MTIF2: variants seen among roughly 807,000 people sequenced by gnomAD.
MTIF2 encodes mitochondrial translational initiation factor 2.
A neutral mutation model predicts 83.5 loss-of-function variants in MTIF2; 71 were observed. The ratio of observed to expected loss-of-function variants is 0.85; its 90% CI spans 0.70 to 1.04. The LOEUF (loss-of-function observed/expected upper bound fraction) is 1.04, where lower values mean the gene tolerates loss of function less well. Among genes scored for constraint, MTIF2 ranks in the 50% least tolerant of loss-of-function variants. MTIF2 has a pLI of 0.00. For synonymous variants in MTIF2, 319 were observed against 287.1 expected (o/e 1.11, Z -1.12); for missense variants, 957 against 846.5 (o/e 1.13, Z -1.62).
intron 9 of MTIF2, among the ~76,000 whole-genome samples, chr2:55,247,512 A>T (rs1314828972): frequency 6.6e-6 from 1 of 152,206 alleles, no homozygotes; most frequent in Non-Finnish European, 1.5e-5. Context: ...AGATCATGCC[A>T]CTGCTCTCCA....
chr2:55,253,420 T>A (rs1380545401), intron 7 of MTIF2, among the ~76,000 whole-genome samples: 1 of 152,216 alleles, frequency 6.6e-6, no homozygotes, highest in South Asian at 2.1e-4. Flanking sequence ...GGCTCACACC[T>A]GTAATCCTAG....
chr2:55,260,070 T>C (rs1342096520), intron 5 of MTIF2, among the ~76,000 whole-genome samples: 4 of 152,188 alleles, frequency 2.6e-5, no homozygotes. Flanking sequence ...TTTCTAGCTA[T>C]AAAATGACTG....
chr2:55,247,552 A>T (rs962781930), intron 9 of MTIF2, among the ~76,000 whole-genome samples: 2 of 152,180 alleles, frequency 1.3e-5, no homozygotes, highest in African/African-American at 4.8e-5. Flanking sequence ...ACTTCATTTC[A>T]AAAAACAAAA....
intron 13 of MTIF2, among the ~76,000 whole-genome samples, chr2:55,241,160 G>A (rs182015046): frequency 6.6e-6 from 1 of 151,626 alleles, no homozygotes; most frequent in African/African-American, 2.4e-5. Flanking sequence ...GCTCACGCCT[G>A]TAATCCCAGC....
chr2:55,244,385 C>T (rs1310186602), intron 10 of MTIF2, 152 bp from the exon 11 acceptor site: 7 of 660,280 alleles, frequency 1.1e-5, no homozygotes, highest in African/African-American at 5.5e-5. Context: ...ACTATAAAAA[C>T]ATTTCAAAGC....
intron 14 of MTIF2, 70 bp from the exon 15 acceptor site, chr2:55,237,498 C>T: frequency 6.8e-7 from 1 of 1,461,196 alleles, no homozygotes; most frequent in South Asian, 1.4e-5. Flanking sequence ...TTCTGACATT[C>T]TGTGGTATAA....
In MTIF2 at chr2:55,237,328, TTTTTGTTTTTC is replaced by T; in HGVS notation, c.1960_1970del (p.Glu654LysfsTer3). ...GTCCATTACGGGTTAGTTTAAATTT[TTTTTGTTTTTC>T]TAACTGTCCCTTTTGGACTCTGCAG... is the stretch of plus-strand genomic sequence containing the variant. On this transcript the variant is annotated frameshift_variant, in exon 15 of 16. Coordinates refer to ENST00000263629, the MANE Select transcript of MTIF2 (RefSeq NM_002453.3). LOFTEE classifies it high-confidence loss of function. 6.2e-7 allele frequency: 1 copy of T among 1,612,982 alleles called. No individual in the cohort carries two copies. Among genetic ancestry groups the T allele is most frequent in the South Asian group, 1.1e-5 (1 of 90,908 alleles).
Position 55,236,700 on chromosome 2 carries a change from CA to C in MTIF2, c.2131del (p.Cys711ValfsTer24). 1 of 1,604,526 alleles carries C rather than the reference CA, an allele frequency of 6.2e-7. No homozygotes were observed. Among genetic ancestry groups the C allele is most frequent in the Middle Eastern group, 1.7e-4 (1 of 6,038 alleles). On this transcript the variant is annotated frameshift_variant, in exon 16 of 16. Transcript: ENST00000263629. LOFTEE classifies it high-confidence loss of function. ...MEFQVGDRIV[C>X]YEEKQIQAKT... The stretch of plus-strand genomic sequence containing the variant: ...GGCTTGAATTTGCTTTTCTTCATAA[CA>C]AACAATTCTGTCTCCCACTTGAAAT...
intron 10 of MTIF2, among the ~76,000 whole-genome samples, 175 bp downstream of exon 10, chr2:55,246,162 T>G (rs1467279573): frequency 6.6e-6 from 1 of 152,246 alleles, no homozygotes. Flanking sequence ...TGATAATAAC[T>G]GCATTTTTGT....
intron 5 of MTIF2, among the ~76,000 whole-genome samples, chr2:55,256,380 C>A (rs1345920715): frequency 2.6e-5 from 4 of 151,716 alleles, no homozygotes; most frequent in Non-Finnish European, 4.4e-5. Flanking sequence ...GTTTATGTAT[C>A]TAGGGTGTCC....
At chr2:55,238,188 G>A (rs1676030561) in intron 14 of MTIF2, among the ~76,000 whole-genome samples, 1 of 9,312 alleles carries the variant, frequency 1.1e-4, no homozygotes, top group Non-Finnish European at 2.0e-4. Context: ...GTGCCACCAT[G>A]CCCACTAATT....
chr2:55,246,997 C>G (rs1676748040), intron 9 of MTIF2, among the ~76,000 whole-genome samples: 1 of 152,150 alleles, frequency 6.6e-6, no homozygotes, highest in South Asian at 2.1e-4. Flanking sequence ...GATCTAGGCT[C>G]TAAGCTGTGC....
At chr2:55,251,355 G>A (rs1677082229) in intron 8 of MTIF2, among the ~76,000 whole-genome samples, 1 of 152,026 alleles carries the variant, frequency 6.6e-6, no homozygotes, top group Non-Finnish European at 1.5e-5. Flanking sequence ...AAAGAAAAGA[G>A]AATAACATTG....
In MTIF2 at chr2:55,263,624, A is replaced by AT; in HGVS notation, c.219+15_219+16insA. Reference sequence around the variant, plus strand: ...GACTCCATCTCAAAAAAAAAAAAAAAGAAATCTGTAACTACCTTTTTTGTT... The same window carrying AT: ...GACTCCATCTCAAAAAAAAAAAAAAATGAAATCTGTAACTACCTTTTTTGTT... On this transcript the variant is annotated intron_variant, in intron 4 of 15. Coordinates refer to ENST00000263629, the MANE Select transcript of MTIF2 (RefSeq NM_002453.3). 1.3e-6 allele frequency: 2 copies of AT among 1,563,792 alleles called. No homozygotes were observed. Among genetic ancestry groups the AT allele is most frequent in the South Asian group, 1.2e-5 (1 of 84,758 alleles).
At position 55,262,362 on chromosome 2, in the gene MTIF2, A is replaced by G. The variant is rs1404349326; in HGVS notation, c.285T>C (p.Ile95=). 6.2e-7 allele frequency: 1 copy of G among 1,613,832 alleles called. No individual in the cohort carries two copies. The highest frequency in any genetic ancestry group is 8.5e-7 in the Non-Finnish European group (1 of 1,179,890). Residue 95 remains isoleucine, a synonymous_variant, in exon 5 of 16, where the codon ATT becomes ATC. Transcript: ENST00000263629. ...TGGCCAGTTCCTCAATAGTCATTCC[A>G]ATCCATACTTCTACCACCTTTTTAG... ...TKSKKVVEVW[I]GMTIEELARA...
At chr2:55,241,635 G>A (rs1676320153) in intron 13 of MTIF2, among the ~76,000 whole-genome samples, 1 of 152,122 alleles carries the variant, frequency 6.6e-6, no homozygotes, top group Non-Finnish European at 1.5e-5. Flanking sequence ...GTGAGGTCAG[G>A]AGTTTGAGAC....
intron 5 of MTIF2, among the ~76,000 whole-genome samples, chr2:55,259,888 A>G (rs2589097): frequency 0.97 from 147,374 of 152,264 alleles, 71,369 homozygotes; most frequent in African/African-American, 0.99. Context: ...GAGTTGCAGT[A>G]AGCCAGGATC....
At chr2:55,250,585 TAC>T (rs769951610) in intron 8 of MTIF2, among the ~76,000 whole-genome samples, 13 of 152,196 alleles carry the variant, frequency 8.5e-5, no homozygotes, top group Non-Finnish European at 1.3e-4. Context: ...TATTTATTCA[TAC>T]ACCTAGGTCA....
chr2:55,237,409 A>T lies in MTIF2; in HGVS notation c.1890T>A (p.Ala630=). Residue 630 remains alanine (A), a synonymous_variant, in exon 15 of 16, where the codon GCT becomes GCA. Coordinates refer to ENST00000263629, the MANE Select transcript of MTIF2 (RefSeq NM_002453.3). ...TCTTCCCTTCTGTTACAGAGAAGGT[A>T]GCTAGTATAGATGCCTCACCTTTAG... ...EHPVGEASIL[A]TFSVTEGKKK... The T allele has an allele frequency of 1.2e-6, 2 of 1,612,154 alleles. No homozygotes were observed. The highest frequency in any genetic ancestry group is 1.1e-5 in the South Asian group (1 of 90,842).
Sources: allele counts gnomAD v4.1 joint callset (sites outside exome capture counted in the v4.1 genomes callset), GRCh38; gene constraint gnomAD v4.1.1; transcripts MANE v1.5; gene names NCBI Gene and HGNC (gene_info 2026-07-23, HGNC 2026-07-21).